FAM170B: variants seen among roughly 807,000 people sequenced by gnomAD.
The protein encoded by FAM170B is protein FAM170B.
A neutral mutation model predicts 3.9 loss-of-function variants in FAM170B; 4 were observed. The ratio of observed to expected loss-of-function variants is 1.01; its 90% CI spans 0.50 to 2.32. The LOEUF is 2.32. FAM170B is among the 30% of genes most tolerant of loss of function. FAM170B has a pLI of 0.02. For synonymous variants in FAM170B, 163 were observed against 149.8 expected (o/e 1.09, Z -0.64); for missense variants, 417 against 368.6 (o/e 1.13, Z -1.07).
chr10:49,131,971 T>A lies in FAM170B; in HGVS notation c.494A>T (p.Asp165Val). 1.3e-6 allele frequency: 2 copies of A among 1,551,580 alleles called. No individual in the cohort carries two copies. Among genetic ancestry groups the A allele is most frequent in the Non-Finnish European group, 1.7e-6 (2 of 1,146,998 alleles). Residue 165 changes from aspartate to valine, a missense_variant, in exon 2 of 2, where the codon GAC (aspartate) becomes GTC (valine). Physicochemically the swap from Asp to Val is radical, Grantham distance 152. Transcript: ENST00000311787. The part of the protein sequence containing the change: ...EMASNTDMRW[D>V]LEACKSNCSP... ...GCAGTTGCTCTTGCAGGCTTCCAGG[T>A]CCCAGCGCATATCGGTGTTGGAAGC...
chr10:49,132,383 C>T (rs945770998), intron 1 of FAM170B, 31 bp from the exon 2 acceptor site: 1 of 1,494,454 alleles, frequency 6.7e-7, no homozygotes, highest in Non-Finnish European at 8.9e-7. Context: ...GTCATCAGTG[C>T]CCTTTAAGGG....
Position 49,132,423 on chromosome 10 carries a change from C to T in FAM170B, c.113-71G>A, listed in dbSNP as rs115714869. Reference sequence around the variant, plus strand: ...ATGCCACATCTACCTTCAGGAGCCGCAGACTCTGAAAGGGTACAGGCTCTG... The same window carrying T: ...ATGCCACATCTACCTTCAGGAGCCGTAGACTCTGAAAGGGTACAGGCTCTG... On this transcript the variant is annotated intron_variant, in intron 1 of 1. Transcript: ENST00000311787. 1,949 of 1,440,554 alleles carry T rather than the reference C, an allele frequency of 1.4e-3. 17 individuals are homozygous for T. In the African/African-American group the frequency reaches 0.024, roughly 18 times the overall value. The allele number at this position is 1,440,554 out of a possible 1,614,324, so 89.2% of individuals were successfully genotyped here.
intron 1 of FAM170B, 108 bp downstream of exon 1, chr10:49,133,698 AC>A: frequency 1.2e-6 from 1 of 805,686 alleles, no homozygotes; most frequent in East Asian, 2.7e-5. Flanking sequence ...GGTCAACACA[AC>A]CATTTGGTAA....
intron 1 of FAM170B, 93 bp from the exon 2 acceptor site, chr10:49,132,445 T>C (rs1397455914): frequency 7.3e-7 from 1 of 1,374,474 alleles, no homozygotes; most frequent in Non-Finnish European, 9.6e-7. Flanking sequence ...GGGTACAGGC[T>C]CTGGGAGCTC....
chr10:49,132,282 G>A lies in FAM170B; in HGVS notation c.183C>T (p.Phe61=), dbSNP rs1336928624. Residue 61 remains phenylalanine (F), a synonymous_variant, in exon 2 of 2, where the codon TTC becomes TTT. Coordinates refer to ENST00000311787, the MANE Select transcript of FAM170B (RefSeq NM_001164484.2). ...PAIPREEGLY[F]AARDRGMRDW... is the part of the protein sequence containing the mutation. ...CCCGCATCCCCCGGTCCCTGGCAGC[G>A]AAGTAGAGGCCCTCCTCCCGGGGAA... 2.6e-6 allele frequency: 4 copies of A among 1,551,392 alleles called. No homozygotes were observed. The highest frequency in any genetic ancestry group is 1.2e-5 in the South Asian group (1 of 84,056).
In FAM170B at chr10:49,131,482, C is replaced by T. The variant is rs938015584; in HGVS notation, c.*131G>A. 1.4e-5 allele frequency: 18 copies of T among 1,325,500 alleles called. No homozygotes were observed. The Admixed American group carries it at 4.0e-4, about 30-fold the overall frequency. 82.1% of individuals were successfully genotyped at this position (1,325,500 alleles called of 1,614,324 possible). ...CAGTCTCCTGGCCCTCCTTGCTCTA[C>T]ACTCCATGCCTTTCCTTCCCCCTGA... On this transcript the variant is annotated 3_prime_UTR_variant, in exon 2 of 2. Coordinates refer to ENST00000311787, the MANE Select transcript of FAM170B (RefSeq NM_001164484.2).
chr10:49,131,531 A>G lies in FAM170B; in HGVS notation c.*82T>C. ...GACCCTGGTCCTCTCTCCCTGCCCT[A>G]GTGGCTCTGATACTGCTGGCTGGGG... On this transcript the variant is annotated 3_prime_UTR_variant, in exon 2 of 2. Transcript: ENST00000311787. 1 of 1,462,514 alleles carries G rather than the reference A, an allele frequency of 6.8e-7. No homozygotes were observed. Among genetic ancestry groups the G allele is most frequent in the Non-Finnish European group, 9.1e-7 (1 of 1,103,698 alleles). 90.6% of individuals were successfully genotyped at this position (1,462,514 alleles called of 1,614,324 possible).
rs1845193490 is a variant in FAM170B, at chr10:49,132,085, G to T, written c.380C>A (p.Ala127Asp). Residue 127 changes from alanine to aspartate, a missense_variant, in exon 2 of 2, where the codon GCC (alanine) becomes GAC (aspartate). Ala to Asp is a moderately radical substitution (Grantham distance 126, BLOSUM62 -2). Transcript: ENST00000311787. The part of the protein sequence containing the change: ...RGVAVAWETE[A>D]GFEPVTRKPR... The stretch of plus-strand genomic sequence containing the variant: ...CTTCCTGGTGACCGGCTCGAAGCCG[G>T]CCTCCGTCTCCCAGGCCACAGCCAC... 1.9e-6 allele frequency: 3 copies of T among 1,551,624 alleles called. No individual in the cohort carries two copies. Among genetic ancestry groups the T allele is most frequent in the Non-Finnish European group, 2.6e-6 (3 of 1,147,000 alleles).
chr10:49,131,508 C>T lies in FAM170B; in HGVS notation c.*105G>A. 7.0e-7 allele frequency: 1 copy of T among 1,432,212 alleles called. No homozygotes were observed. The allele number at this position is 1,432,212 out of a possible 1,614,324, so 88.7% of individuals were successfully genotyped here. A position where few individuals can be genotyped will look rare whatever the true frequency, so the allele number is the denominator to read the frequency against. On this transcript the variant is annotated 3_prime_UTR_variant, in exon 2 of 2. Transcript: ENST00000311787. The stretch of plus-strand genomic sequence containing the variant: ...ACTCCATGCCTTTCCTTCCCCCTGA[C>T]CCTGGTCCTCTCTCCCTGCCCTAGT...
In FAM170B at chr10:49,133,766, A is replaced by G. The variant is rs113499340; in HGVS notation, c.112+41T>C. ...TCCCATCAGGGCTTCCTTCCCAGGGAGCACAGCTGGCTGACCTTCCAGGCC... is the reference window on the plus strand; with the variant it reads ...TCCCATCAGGGCTTCCTTCCCAGGGGGCACAGCTGGCTGACCTTCCAGGCC... On this transcript the variant is annotated intron_variant, in intron 1 of 1. Coordinates refer to ENST00000311787, the MANE Select transcript of FAM170B (RefSeq NM_001164484.2). The G allele has an allele frequency of 5.8e-5, 88 of 1,514,544 alleles. No homozygotes were observed. The African/African-American group carries it at 1.1e-3, about 20-fold the overall frequency. The allele number at this position is 1,514,544 out of a possible 1,614,324, so 93.8% of individuals were successfully genotyped here.
In FAM170B at chr10:49,132,299, C is replaced by G. The variant is rs1387518445; in HGVS notation, c.166G>C (p.Glu56Gln). ...CTGGCAGCGAAGTAGAGGCCCTCCT[C>G]CCGGGGAATGGCAGGCCCCGGCCGT... ...SPRPGPAIPR[E>Q]EGLYFAARDR... is the part of the protein sequence containing the mutation. The change falls in exon 2 of 2, where the codon GAG (glutamate) becomes CAG (glutamine). Residue 56 changes from glutamate (E) to glutamine (Q), a missense_variant. Physicochemically the swap from Glu to Gln is conservative, Grantham distance 29. Coordinates refer to ENST00000311787, the MANE Select transcript of FAM170B (RefSeq NM_001164484.2). The G allele has an allele frequency of 1.9e-6, 3 of 1,551,022 alleles. No individual in the cohort carries two copies. The highest frequency in any genetic ancestry group is 1.4e-5 in the African/African-American group (1 of 73,054).
At position 49,132,289 on chromosome 10, in the gene FAM170B, A is replaced by T; in HGVS notation, c.176T>A (p.Leu59His). 1.3e-6 allele frequency: 2 copies of T among 1,551,282 alleles called. No homozygotes were observed. The highest frequency in any genetic ancestry group is 1.7e-6 in the Non-Finnish European group (2 of 1,146,950). The change falls in exon 2 of 2, where the codon CTC becomes CAC. Residue 59 changes from leucine to histidine, a missense_variant. By Grantham distance (99) the Leu-to-His change is moderately conservative. Transcript: ENST00000311787. ...PGPAIPREEG[L>H]YFAARDRGMR... ...CCCCCGGTCCCTGGCAGCGAAGTAG[A>T]GGCCCTCCTCCCGGGGAATGGCAGG...
In FAM170B at chr10:49,132,143, C is replaced by T. The variant is rs1263742365; in HGVS notation, c.322G>A (p.Ala108Thr). ...ACAGTCTGCACGTGCGTGTAGAAGG[C>T]ACACACACTCTGCGGAGCAGCATTG... ...EDNAAPQSVC[A>T]FYTHVQTVRG... Residue 108 changes from alanine (A) to threonine (T), a missense_variant, in exon 2 of 2, where the codon GCC becomes ACC. Coordinates refer to ENST00000311787, the MANE Select transcript of FAM170B (RefSeq NM_001164484.2). The T allele has an allele frequency of 4.5e-6, 7 of 1,551,766 alleles. No individual in the cohort carries two copies. Among genetic ancestry groups the T allele is most frequent in the Non-Finnish European group, 6.1e-6 (7 of 1,146,986 alleles).
At position 49,132,452 on chromosome 10, in the gene FAM170B, G is replaced by A. The variant is rs1845201302; in HGVS notation, c.113-100C>T. ...CTCTGAAAGGGTACAGGCTCTGGGA[G>A]CTCTTGAGCAAACACCGCCCCCTCT... On this transcript the variant is annotated intron_variant, in intron 1 of 1. Transcript: ENST00000311787. 3.7e-6 allele frequency: 5 copies of A among 1,338,268 alleles called. No individual in the cohort carries two copies. In the Admixed American group the frequency reaches 1.5e-4, roughly 39 times the overall value. The allele number at this position is 1,338,268 out of a possible 1,614,324, so 82.9% of individuals were successfully genotyped here. A position where few individuals can be genotyped will look rare whatever the true frequency, so the allele number is the denominator to read the frequency against.
chr10:49,133,709 A>G lies in FAM170B; in HGVS notation c.112+98T>C, dbSNP rs1005888372. ...TTATGGTCAACACAACCATTTGGTA[A>G]CAGTATCAGGAGGCAACCTGGCACT... is the stretch of plus-strand genomic sequence containing the variant. On this transcript the variant is annotated intron_variant, in intron 1 of 1. Coordinates refer to ENST00000311787, the MANE Select transcript of FAM170B (RefSeq NM_001164484.2). 1.6e-5 allele frequency: 14 copies of G among 901,002 alleles called. 1 individual carries two copies. Among genetic ancestry groups the G allele is most frequent in the Middle Eastern group, 6.6e-4 (2 of 3,044 alleles). The allele number at this position is 901,002 out of a possible 1,614,324, so 55.8% of individuals were successfully genotyped here. A position where few individuals can be genotyped will look rare whatever the true frequency, so the allele number is the denominator to read the frequency against.
chr10:49,132,351 C>T lies in FAM170B; in HGVS notation c.114G>A (p.Gly38=). 2.0e-6 allele frequency: 3 copies of T among 1,531,484 alleles called. No homozygotes were observed. Among genetic ancestry groups the T allele is most frequent in the Non-Finnish European group, 2.6e-6 (3 of 1,137,128 alleles). The allele number at this position is 1,531,484 out of a possible 1,614,324, so 94.9% of individuals were successfully genotyped here. Residue 38 remains glycine, a splice_region_variant and synonymous_variant, in exon 2 of 2, where the codon GGG becomes GGA. Coordinates refer to ENST00000311787, the MANE Select transcript of FAM170B (RefSeq NM_001164484.2). ...GGGACGACCCTTCTCTCTGTATAGT[C>T]CCTGAGAAGCAGAAGGACATTGTCA... The part of the protein sequence containing the change: ...TEESVEVFWP[G]TIQREGSSPR...
Position 49,132,322 on chromosome 10 carries a change from C to T in FAM170B, c.143G>A (p.Arg48Gln), listed in dbSNP as rs1233857762. The T allele has an allele frequency of 3.9e-6, 6 of 1,549,198 alleles. No individual in the cohort carries two copies. Among genetic ancestry groups the T allele is most frequent in the Non-Finnish European group, 5.2e-6 (6 of 1,146,350 alleles). The change falls in exon 2 of 2, where the codon CGG (arginine) becomes CAG (glutamine). Residue 48 changes from arginine to glutamine, a missense_variant. Physicochemically the swap from Arg to Gln is conservative, Grantham distance 43. Transcript: ENST00000311787. ...GTIQREGSSP[R>Q]PGPAIPREEG... ...CTCCCGGGGAATGGCAGGCCCCGGC[C>T]GTGGGGACGACCCTTCTCTCTGTAT... is the stretch of plus-strand genomic sequence containing the variant.
In FAM170B at chr10:49,132,112, C is replaced by G; in HGVS notation, c.353G>C (p.Gly118Ala). ...CTCCGTCTCCCAGGCCACAGCCACACCCCGCACAGTCTGCACGTGCGTGTA... is the reference window on the plus strand; with the variant it reads ...CTCCGTCTCCCAGGCCACAGCCACAGCCCGCACAGTCTGCACGTGCGTGTA... Reference protein sequence around the residue: ...AFYTHVQTVRGVAVAWETEAG... With the variant: ...AFYTHVQTVRAVAVAWETEAG... Residue 118 changes from glycine (G) to alanine (A), a missense_variant, in exon 2 of 2, where the codon GGT (glycine) becomes GCT (alanine). Transcript: ENST00000311787. The G allele has an allele frequency of 6.4e-7, 1 of 1,551,784 alleles. No homozygotes were observed. The highest frequency in any genetic ancestry group is 8.7e-7 in the Non-Finnish European group (1 of 1,147,020).
At position 49,132,151 on chromosome 10, in the gene FAM170B, C is replaced by A; in HGVS notation, c.314G>T (p.Ser105Ile). ...CACGTGCGTGTAGAAGGCACACACA[C>A]TCTGCGGAGCAGCATTGTCCTCATC... ...MCDEDNAAPQ[S>I]VCAFYTHVQT... The change falls in exon 2 of 2, where the codon AGT becomes ATT. Residue 105 changes from serine (S) to isoleucine (I), a missense_variant. Coordinates refer to ENST00000311787, the MANE Select transcript of FAM170B (RefSeq NM_001164484.2). 2 of 1,551,792 alleles carry A rather than the reference C, an allele frequency of 1.3e-6. No individual in the cohort carries two copies. Among genetic ancestry groups the A allele is most frequent in the Non-Finnish European group, 1.7e-6 (2 of 1,146,994 alleles).
Sources: gnomAD v4.1 joint callset for allele counts on GRCh38, gnomAD v4.1.1 for gene constraint, MANE v1.5 for transcripts, NCBI Gene and HGNC (gene_info 2026-07-23, HGNC 2026-07-21) for gene names.